COL16A1: variants seen among roughly 807,000 people sequenced by gnomAD.
The protein encoded by COL16A1 is collagen type XVI alpha 1 chain, also known as collagen alpha-1(XVI) chain.
COL16A1 carries 189 observed loss-of-function variants against 266.3 expected under a neutral mutation model. The observed-to-expected ratio is 0.71, with a 90% CI of 0.63 to 0.80. COL16A1 has a LOEUF of 0.80. Among genes scored for constraint, COL16A1 ranks in the 30% least tolerant of loss-of-function variants. The pLI, the probability that COL16A1 is intolerant of heterozygous loss-of-function variation, is 0.00. For synonymous variants in COL16A1, 740 were observed against 782.3 expected, an observed-to-expected ratio of 0.95 and a Z score of 0.90; for missense variants, 1,928 against 2,122.4, an observed-to-expected ratio of 0.91 and a Z score of 1.80.
chr1:31,683,607 TG>T, intron 34 of COL16A1, 99 bp downstream of exon 34: 1 of 1,606,994 alleles, frequency 6.2e-7, no homozygotes, highest in South Asian at 1.1e-5. Context: ...CCTGTGCCTC[TG>T]GGGGCAGGCA....
Position 31,703,038 on chromosome 1 carries a change from A to G in COL16A1, c.-35+799T>C, listed in dbSNP as rs571165990. Among the ~76,000 whole-genome samples the G allele has an allele frequency of 6.3e-4, 96 of 152,334 alleles. 1 individual carries two copies. The highest frequency in any genetic ancestry group is 9.9e-4 in the Non-Finnish European group (67 of 68,018). ...ACAAACACAGAGCCATGCATGTGTC[A>G]GCACAGCACATGCAGATGCGCAGGT... is the stretch of plus-strand genomic sequence containing the variant. On this transcript the variant is annotated intron_variant, in intron 1 of 70. Coordinates refer to ENST00000373672, the MANE Select transcript of COL16A1 (RefSeq NM_001856.4).
intron 11 of COL16A1, 45 bp from the exon 12 acceptor site, chr1:31,694,215 A>G: frequency 6.5e-7 from 1 of 1,540,870 alleles, no homozygotes; most frequent in Non-Finnish European, 8.8e-7. Flanking sequence ...GTAGAGAGAG[A>G]AAACCAGGGG....
intron 51 of COL16A1, 114 bp from the exon 52 acceptor site, chr1:31,667,742 A>G: frequency 9.7e-7 from 1 of 1,034,460 alleles, no homozygotes; most frequent in Non-Finnish European, 1.5e-6. Context: ...GGGGAATGGC[A>G]CTGGGAGGAC....
intron 32 of COL16A1, 42 bp from the exon 33 acceptor site, chr1:31,684,045 A>G: frequency 1.9e-6 from 3 of 1,613,982 alleles, no homozygotes; most frequent in Non-Finnish European, 2.5e-6. Flanking sequence ...CACAGGAGAA[A>G]GGGGGACAGG....
chr1:31,693,020 T>C lies in COL16A1; in HGVS notation c.1071+72A>G, dbSNP rs1644343510. ...GCTTTCTGCCGGGATGATGGGATGA[T>C]GGCTCACATCCCACCTCACCCCAGG... On this transcript the variant is annotated intron_variant, in intron 13 of 70. Transcript: ENST00000373672. The C allele has an allele frequency of 1.2e-5, 13 of 1,082,248 alleles. No individual in the cohort carries two copies. The East Asian group carries it at 3.2e-4, about 27-fold the overall frequency. 67.0% of individuals were successfully genotyped at this position (1,082,248 alleles called of 1,614,324 possible). A position where few individuals can be genotyped will look rare whatever the true frequency, so the allele number is the denominator to read the frequency against.
intron 70 of COL16A1, 114 bp downstream of exon 70, chr1:31,653,485 G>T: frequency 7.9e-7 from 1 of 1,268,216 alleles, no homozygotes; most frequent in Non-Finnish European, 1.1e-6. Context: ...TATAAATGTG[G>T]TTGACTGGCC....
chr1:31,659,077 T>A, intron 62 of COL16A1, 113 bp from the exon 63 acceptor site: 1 of 988,736 alleles, frequency 1.0e-6, no homozygotes, highest in Non-Finnish European at 1.6e-6. Flanking sequence ...CCATTTCCTC[T>A]GGAAACCTTC....
At chr1:31,702,333 G>C in intron 1 of COL16A1, 106 bp from the exon 2 acceptor site, 1 of 1,148,220 alleles carries the variant, frequency 8.7e-7, no homozygotes, top group South Asian at 1.4e-5. Flanking sequence ...CTGGTATTGG[G>C]GTGGCAGGAG....
rs74856776 is a variant in COL16A1, at chr1:31,674,277, G to A, written c.2859+730C>T. ...ACACATGGGAAAGACCCCTGAGGAT[G>A]CTGGGCTAGAGGAGAGAAAGTCCAG... On this transcript the variant is annotated intron_variant, in intron 44 of 70. Transcript: ENST00000373672. Among the ~76,000 whole-genome samples the A allele has an allele frequency of 2.0e-5, 3 of 152,320 alleles. No individual in the cohort carries two copies. In the East Asian group the frequency reaches 5.8e-4, roughly 29 times the overall value.
At chr1:31,673,472 C>G (rs921378751) in intron 44 of COL16A1, among the ~76,000 whole-genome samples, 1 of 152,212 alleles carries the variant, frequency 6.6e-6, no homozygotes, top group Non-Finnish European at 1.5e-5. Context: ...TCTGAGGACT[C>G]AGGAGCCCGG....
Position 31,653,582 on chromosome 1 carries a change from ATGG to A in COL16A1, c.4612+14_4612+16del. Reference sequence around the variant, plus strand: ...TGCTGCTCTGGATTCATGGTCTCAAATGGTGGTATTTCCTACCTGGGGGGCCGG... The same window carrying A: ...TGCTGCTCTGGATTCATGGTCTCAAATGGTATTTCCTACCTGGGGGGCCGG... On this transcript the variant is annotated intron_variant, in intron 70 of 70. Transcript: ENST00000373672. 6.2e-7 allele frequency: 1 copy of A among 1,611,744 alleles called. No homozygotes were observed. Among genetic ancestry groups the A allele is most frequent in the South Asian group, 1.1e-5 (1 of 90,906 alleles).
chr1:31,686,410 G>A, intron 26 of COL16A1, 131 bp from the exon 27 acceptor site: 2 of 1,298,242 alleles, frequency 1.5e-6, no homozygotes, highest in Non-Finnish European at 2.2e-6. Flanking sequence ...GAGAGGAAGA[G>A]GGCTTTCTCC....
intron 8 of COL16A1, among the ~76,000 whole-genome samples, 194 bp from the exon 9 acceptor site, chr1:31,696,335 C>T (rs563027884): frequency 9.4e-4 from 137 of 145,176 alleles, no homozygotes; most frequent in African/African-American, 3.3e-3. Flanking sequence ...CCCCCCCACC[C>T]ACCCATGTGA....
rs893442177 is a variant in COL16A1 at position 31,664,776 on chromosome 1, G to A, written c.3555+396C>T. 2.0e-5 allele frequency among the ~76,000 whole-genome samples: 3 copies of A among 152,128 alleles called. No individual in the cohort carries two copies. The highest frequency in any genetic ancestry group is 4.8e-5 in the African/African-American group (2 of 41,428). ...CCACGTTGGTGTCCTCCTTCAGGAC[G>A]TGCTTCCCCCTTCTCTCAGCTCCTC... On this transcript the variant is annotated intron_variant, in intron 56 of 70. Transcript: ENST00000373672. This position sits in a 1 kb window ranked among gnomAD's most constrained non-coding sequence, Gnocchi z 5.5.
intron 42 of COL16A1, among the ~76,000 whole-genome samples, chr1:31,679,051 C>T (rs1319170634): frequency 2.6e-5 from 4 of 152,198 alleles, no homozygotes; most frequent in African/African-American, 9.7e-5. Context: ...TCAAACATCA[C>T]CTTCTTTTCA....
At position 31,697,760 on chromosome 1, in the gene COL16A1, A is replaced by G. The variant is rs1033840135; in HGVS notation, c.657+146T>C. The stretch of plus-strand genomic sequence containing the variant: ...ATGAAGGGCCTTGAATGCCAGGTGA[A>G]TATGTTTAGGCTGCATTTGGAGGGC... On this transcript the variant is annotated intron_variant, in intron 6 of 70. Coordinates refer to ENST00000373672, the MANE Select transcript of COL16A1 (RefSeq NM_001856.4). This position sits in a 1 kb window ranked among gnomAD's most constrained non-coding sequence, Gnocchi z 4.2. The G allele has an allele frequency of 1.0e-6, 1 of 957,210 alleles. No individual in the cohort carries two copies. Among genetic ancestry groups the G allele is most frequent in the Non-Finnish European group, 1.6e-6 (1 of 640,356 alleles). The allele number at this position is 957,210 out of a possible 1,614,324, so 59.3% of individuals were successfully genotyped here. A position where few individuals can be genotyped will look rare whatever the true frequency, so the allele number is the denominator to read the frequency against.
rs746298679 is a variant in COL16A1 at position 31,688,820 on chromosome 1, A to G, written c.1767+41T>C. 27 of 1,575,992 alleles carry G rather than the reference A, an allele frequency of 1.7e-5. No individual in the cohort carries two copies. Among genetic ancestry groups the G allele is most frequent in the Non-Finnish European group, 2.2e-5 (25 of 1,155,022 alleles). ...CAGGGAGATCAACAGTATGGCAAGG[A>G]TGGCTGAACTGGGCTGGGCTGGGAG... On this transcript the variant is annotated intron_variant, in intron 25 of 70. Transcript: ENST00000373672. This position sits in a 1 kb window ranked among gnomAD's most constrained non-coding sequence, Gnocchi z 4.9.
intron 68 of COL16A1, 33 bp from the exon 69 acceptor site, chr1:31,654,076 A>T: frequency 6.3e-7 from 1 of 1,593,710 alleles, no homozygotes; most frequent in South Asian, 1.1e-5. Context: ...GGGACAGGTC[A>T]GAGGGTCCCC....
intron 44 of COL16A1, among the ~76,000 whole-genome samples, chr1:31,674,099 T>C (rs1642971178): frequency 6.6e-6 from 1 of 152,204 alleles, no homozygotes; most frequent in African/African-American, 2.4e-5. Context: ...CTCTGGCTGC[T>C]TCTGGAGAAA....
Sources: gnomAD v4.1 joint callset for allele counts (sites outside exome capture counted in the v4.1 genomes callset) on GRCh38, gnomAD v4.1.1 for gene constraint, Gnocchi (gnomAD v3.1) non-coding constraint, MANE v1.5 for transcripts, NCBI Gene and HGNC (gene_info 2026-07-23, HGNC 2026-07-21) for gene names.